Variants in HBEGF observed in about 807,000 individuals in gnomAD.
The protein encoded by HBEGF is proheparin-binding EGF-like growth factor.
A neutral mutation model predicts 19.5 loss-of-function variants in HBEGF; 8 were observed. The observed-to-expected ratio is 0.41, with a 90% confidence interval of 0.24 to 0.74. The LOEUF (loss-of-function observed/expected upper bound fraction) is 0.74. Among genes scored for constraint, HBEGF ranks in the 30% least tolerant of loss-of-function variants. The pLI is 0.32. For synonymous variants in HBEGF, 97 were observed against 108.9 expected, an observed-to-expected ratio of 0.89 and a Z score of 0.68; for missense variants, 207 against 256.9, an observed-to-expected ratio of 0.81 and a Z score of 1.33.
intron 3 of HBEGF, among the ~76,000 whole-genome samples, chr5:140,337,720 G>A (rs1766249066): frequency 6.6e-6 from 1 of 152,138 alleles, no homozygotes; most frequent in African/African-American, 2.4e-5. Flanking sequence ...CAGGATAAAT[G>A]TAGGTCAGGC....
At chr5:140,345,294 G>A (rs1400300286) in intron 2 of HBEGF, among the ~76,000 whole-genome samples, 1 of 152,174 alleles carries the variant, frequency 6.6e-6, no homozygotes, top group Non-Finnish European at 1.5e-5. Flanking sequence ...AGTCTCCTCA[G>A]GAATGCAAGG....
In HBEGF at chr5:140,333,053, C is replaced by T. The variant is rs1017656706; in HGVS notation, c.*1246G>A. On this transcript the variant is annotated 3_prime_UTR_variant, in exon 6 of 6. Coordinates refer to ENST00000230990, the MANE Select transcript of HBEGF (RefSeq NM_001945.3). Reference sequence around the variant, plus strand: ...GTAGCAATTGGCAGGTAATCAGTTACCAAGAACAGTCAGCTCCAATGTTCC... The same window carrying T: ...GTAGCAATTGGCAGGTAATCAGTTATCAAGAACAGTCAGCTCCAATGTTCC... The T allele has an allele frequency of 6.5e-6, 1 of 152,674 alleles. No homozygotes were observed. The highest frequency in any genetic ancestry group is 1.5e-5 in the Non-Finnish European group (1 of 68,072). 9.5% of individuals were successfully genotyped at this position (152,674 alleles called of 1,614,324 possible).
chr5:140,335,395 A>AG (rs1561538685), intron 4 of HBEGF, among the ~76,000 whole-genome samples: 1 of 151,494 alleles, frequency 6.6e-6, no homozygotes, highest in Non-Finnish European at 1.5e-5. Context: ...AAAAAAAAAA[A>AG]AAAAAAAGAA....
intron 3 of HBEGF, among the ~76,000 whole-genome samples, chr5:140,339,838 G>A (rs1258438319): frequency 6.6e-6 from 1 of 152,132 alleles, no homozygotes; most frequent in Non-Finnish European, 1.5e-5. Flanking sequence ...GTGGTTCCTG[G>A]GTCTGGAGTC....
chr5:140,341,798 C>T (rs548117459), intron 3 of HBEGF, among the ~76,000 whole-genome samples: 1 of 152,328 alleles, frequency 6.6e-6, no homozygotes, highest in East Asian at 1.9e-4. Context: ...GGGTGTTGGC[C>T]TCAGGCACAG....
rs774635629 is a variant in HBEGF at position 140,346,339 on chromosome 5, C to T, written c.-11G>A. The T allele has an allele frequency of 2.5e-6, 4 of 1,606,538 alleles. No homozygotes were observed. The highest frequency in any genetic ancestry group is 3.4e-6 in the Non-Finnish European group (4 of 1,177,064). On this transcript the variant is annotated 5_prime_UTR_variant, in exon 1 of 6. Transcript: ENST00000230990. This position sits in a 1 kb window ranked among gnomAD's most constrained non-coding sequence, Gnocchi z 6.1. ...CGGCAGCAGCTTCATGGTCCCGCAC[C>T]GAGAGGAGGCGGCGAGGCACCAGTC... is the stretch of plus-strand genomic sequence containing the variant.
Position 140,346,459 on chromosome 5 carries a change from T to C in HBEGF, c.-131A>G. On this transcript the variant is annotated 5_prime_UTR_variant, in exon 1 of 6. Transcript: ENST00000230990. This position sits in a 1 kb window ranked among gnomAD's most constrained non-coding sequence, Gnocchi z 6.1. Reference sequence around the variant, plus strand: ...GCACCGTCTGCCGCCCGCCTCTGCGTGCAAGCCTGGCCGGGACCCAGGCGC... The same window carrying C: ...GCACCGTCTGCCGCCCGCCTCTGCGCGCAAGCCTGGCCGGGACCCAGGCGC... 1.0e-6 allele frequency: 1 copy of C among 996,916 alleles called. No homozygotes were observed. The highest frequency in any genetic ancestry group is 1.5e-6 in the Non-Finnish European group (1 of 659,632). 61.8% of individuals were successfully genotyped at this position (996,916 alleles called of 1,614,324 possible). A position where few individuals can be genotyped will look rare whatever the true frequency, so the allele number is the denominator to read the frequency against.
intron 3 of HBEGF, among the ~76,000 whole-genome samples, chr5:140,338,083 T>C (rs1432189785): frequency 6.6e-6 from 1 of 152,192 alleles, no homozygotes; most frequent in Non-Finnish European, 1.5e-5. Flanking sequence ...TCCAAATTCA[T>C]CATTCCTTCC....
At chr5:140,335,639 A>G (rs145290566) in intron 4 of HBEGF, among the ~76,000 whole-genome samples, 8 of 152,272 alleles carry the variant, frequency 5.3e-5, no homozygotes, top group African/African-American at 1.9e-4. Flanking sequence ...GCAGGAAAAG[A>G]ACTCCTGTGA....
At chr5:140,335,361 G>A (rs981719153) in intron 4 of HBEGF, among the ~76,000 whole-genome samples, 4 of 148,842 alleles carry the variant, frequency 2.7e-5, no homozygotes, top group African/African-American at 1.0e-4. Context: ...TCCAGCCTGG[G>A]CGACAGAGCA....
At position 140,342,740 on chromosome 5, in the gene HBEGF, C is replaced by G; in HGVS notation, c.293G>C (p.Gly98Ala). The change falls in exon 3 of 6, where the codon GGC (glycine) becomes GCC (alanine). Residue 98 changes from glycine to alanine, a missense_variant. Transcript: ENST00000230990. ...KEEHGKRKKK[G>A]KGLGKKRDPC... ...GTCCCTCTTCTTCCCTAGCCCCTTGCCTTTCTTCTTTCTTTTCCCGTGCTC... is the reference window on the plus strand; with the variant it reads ...GTCCCTCTTCTTCCCTAGCCCCTTGGCTTTCTTCTTTCTTTTCCCGTGCTC... The G allele has an allele frequency of 6.2e-7, 1 of 1,614,198 alleles. No homozygotes were observed. Among genetic ancestry groups the G allele is most frequent in the Non-Finnish European group, 8.5e-7 (1 of 1,180,044 alleles).
At position 140,334,689 on chromosome 5, in the gene HBEGF, G is replaced by A. The variant is rs1465509473; in HGVS notation, c.614C>T (p.Thr205Ile). ...CACAAGTCTCTCTCAGTGGGAATTA[G>A]TCATGCCCAACTTCACTTTCTCTTC... Reference protein sequence around the residue: ...ENEEKVKLGMTNSH With the variant: ...ENEEKVKLGMINSH Residue 205 changes from threonine (T) to isoleucine (I), a missense_variant, in exon 5 of 6, where the codon ACT becomes ATT. Thr to Ile is a moderately conservative substitution (Grantham distance 89). Transcript: ENST00000230990. The A allele has an allele frequency of 6.2e-7, 1 of 1,611,942 alleles. No homozygotes were observed. The highest frequency in any genetic ancestry group is 1.1e-5 in the South Asian group (1 of 91,040).
chr5:140,336,855 A>T (rs1330657823), intron 3 of HBEGF, among the ~76,000 whole-genome samples: 2 of 131,404 alleles, frequency 1.5e-5, no homozygotes, highest in Non-Finnish European at 3.1e-5. Context: ...TTTGAGACAG[A>T]GTCTTGCTCT....
chr5:140,342,491 T>C (rs1357241658), intron 3 of HBEGF, 144 bp downstream of exon 3: 2 of 787,120 alleles, frequency 2.5e-6, no homozygotes, highest in African/African-American at 3.5e-5. Flanking sequence ...ACTAAAAATA[T>C]ATTTCCCCTC....
At chr5:140,343,654 G>A (rs1277563801) in intron 2 of HBEGF, among the ~76,000 whole-genome samples, 1 of 152,136 alleles carries the variant, frequency 6.6e-6, no homozygotes, top group Non-Finnish European at 1.5e-5. Flanking sequence ...GAGACTGGGG[G>A]AAAAACAGCC....
intron 3 of HBEGF, 95 bp from the exon 4 acceptor site, chr5:140,336,122 C>T: frequency 7.7e-7 from 1 of 1,293,812 alleles, no homozygotes; most frequent in Non-Finnish European, 1.1e-6. Context: ...TTCCTCATAC[C>T]CTCAGCCTGT....
rs754017213 is a variant in HBEGF, at chr5:140,342,763, C to T, written c.270G>A (p.Glu90=). 14 of 1,614,176 alleles carry T rather than the reference C, an allele frequency of 8.7e-6. No homozygotes were observed. In the Admixed American group the frequency reaches 1.2e-4, roughly 13 times the overall value. ...TGCCTTTCTTCTTTCTTTTCCCGTG[C>T]TCCTCCTTGTTTGGTGTGGCCAGTG... The part of the protein sequence containing the change: ...PQALATPNKE[E]HGKRKKKGKG... The change falls in exon 3 of 6, where the codon GAG becomes GAA. Residue 90 remains glutamate, a synonymous_variant. Transcript: ENST00000230990.
intron 3 of HBEGF, among the ~76,000 whole-genome samples, chr5:140,341,578 T>G (rs1414122315): frequency 6.6e-6 from 1 of 152,208 alleles, no homozygotes; most frequent in Non-Finnish European, 1.5e-5. Flanking sequence ...GCAGCTCTGC[T>G]GTGTGTGATC....
chr5:140,340,894 G>A (rs1650277807), intron 3 of HBEGF, among the ~76,000 whole-genome samples: 2 of 152,170 alleles, frequency 1.3e-5, no homozygotes. Context: ...TTTAGCTATT[G>A]ACCTCAGGCA....
Sources: allele counts gnomAD v4.1 joint callset (sites outside exome capture counted in the v4.1 genomes callset), GRCh38; gene constraint gnomAD v4.1.1; non-coding constraint Gnocchi (gnomAD v3.1); transcripts MANE v1.5; gene names NCBI Gene and HGNC (gene_info 2026-07-23, HGNC 2026-07-21).